The following RARB variants were observed in gnomAD, a reference collection of about 807,000 sequenced individuals.
RARB encodes retinoic acid receptor beta, also known as HBV-activated protein.
In RARB, 17 loss-of-function variants were observed where a neutral mutation model predicts 51.9. That is an observed-to-expected ratio of 0.33 (90% CI 0.22 to 0.49). The LOEUF is 0.49. Among genes scored for constraint, RARB ranks in the 20% least tolerant of loss-of-function variants. The probability of loss-of-function intolerance (pLI) is 0.99; values close to 1 mark genes in which losing one functional copy is unlikely to be tolerated. For synonymous variants in RARB, 215 were observed against 195.4 expected (o/e 1.10, Z -0.84); for missense variants, 369 against 550.8 (o/e 0.67, Z 3.30).
intron 2 of RARB, 111 bp downstream of exon 2, chr3:25,461,452 G>C: frequency 8.0e-7 from 1 of 1,253,968 alleles, no homozygotes; most frequent in Non-Finnish European, 1.1e-6. Context: ...CCTCCCATAA[G>C]TGTGGTGAAT....
At chr3:25,106,651 G>A (rs1411846761) in intron 3 of RARB, among the ~76,000 whole-genome samples, 3 of 92,620 alleles carry the variant, frequency 3.2e-5, no homozygotes, top group Non-Finnish European at 4.3e-5. Context: ...TTAGGCTGCA[G>A]TATTTTTTTT....
At chr3:25,339,036 G>T (rs1705145176) in intron 5 of RARB, among the ~76,000 whole-genome samples, 2 of 152,138 alleles carry the variant, frequency 1.3e-5, no homozygotes, top group Admixed American at 1.3e-4. Context: ...AATAAAACTT[G>T]CACTTGAAAG....
intron 5 of RARB, among the ~76,000 whole-genome samples, chr3:25,405,972 T>C (rs1394390264): frequency 7.4e-6 from 1 of 135,768 alleles, no homozygotes; most frequent in Non-Finnish European, 1.6e-5. Context: ...TGGTCATTAG[T>C]AGCAATAATA....
At chr3:25,553,377 CTT>C (rs1699924299) in intron 3 of RARB, among the ~76,000 whole-genome samples, 1 of 152,206 alleles carries the variant, frequency 6.6e-6, no homozygotes, top group African/African-American at 2.4e-5. Flanking sequence ...CTCTAGGAAT[CTT>C]TAAGCCCATC....
At chr3:25,367,911 G>A (rs1044367801) in intron 5 of RARB, among the ~76,000 whole-genome samples, 2 of 152,056 alleles carry the variant, frequency 1.3e-5, no homozygotes, top group African/African-American at 4.8e-5. Context: ...AAGTAGACAG[G>A]CTGGAAAGAT....
chr3:25,288,437 G>C (rs762156208), intron 5 of RARB, among the ~76,000 whole-genome samples: 4 of 152,194 alleles, frequency 2.6e-5, no homozygotes, highest in Non-Finnish European at 5.9e-5. Context: ...AGGGGACACA[G>C]TCAATGTGCT....
chr3:25,555,374 A>G (rs755491146), intron 3 of RARB, among the ~76,000 whole-genome samples: 24 of 152,068 alleles, frequency 1.6e-4, no homozygotes, highest in Non-Finnish European at 2.8e-4. Flanking sequence ...TTTTCTTCAT[A>G]ACACTTATTA....
chr3:25,065,275 T>C (rs574742670), intron 3 of RARB, among the ~76,000 whole-genome samples: 1 of 152,304 alleles, frequency 6.6e-6, no homozygotes, highest in East Asian at 1.9e-4. Context: ...GGAAGAAATA[T>C]CACTATGTCA....
chr3:25,466,043 G>A (rs1362034411), intron 2 of RARB, among the ~76,000 whole-genome samples: 1 of 152,072 alleles, frequency 6.6e-6, no homozygotes, highest in Non-Finnish European at 1.5e-5. Flanking sequence ...TTCTCATCTG[G>A]AAAAATGGGG....
intron 3 of RARB, among the ~76,000 whole-genome samples, chr3:25,074,756 A>C (rs2125310127): frequency 6.6e-6 from 1 of 152,266 alleles, no homozygotes; most frequent in Middle Eastern, 3.4e-3. Flanking sequence ...ACCAAGGAAA[A>C]TGTGATTCCT....
chr3:24,921,602 T>C (rs1695218043), intron 2 of RARB, among the ~76,000 whole-genome samples: 1 of 152,084 alleles, frequency 6.6e-6, no homozygotes, highest in Non-Finnish European at 1.5e-5. Flanking sequence ...CTGCTTCTTA[T>C]CTCAGCACCC....
chr3:25,053,423 T>C (rs193038200), intron 2 of RARB, among the ~76,000 whole-genome samples: 1 of 152,182 alleles, frequency 6.6e-6, no homozygotes, highest in Non-Finnish European at 1.5e-5. Flanking sequence ...CAGTTTCCTT[T>C]GCTTAGCAGG....
At chr3:25,137,984 A>G (rs1365010421) in intron 4 of RARB, among the ~76,000 whole-genome samples, 1 of 152,144 alleles carries the variant, frequency 6.6e-6, no homozygotes, top group Non-Finnish European at 1.5e-5. Context: ...CATCCTTTTT[A>G]CCTAAGATCA....
chr3:25,266,394 C>T (rs1352692914), intron 5 of RARB, among the ~76,000 whole-genome samples: 1 of 152,008 alleles, frequency 6.6e-6, no homozygotes, highest in Non-Finnish European at 1.5e-5. Context: ...TTATTCACAC[C>T]TTTTCCCCTT....
At chr3:25,125,344 G>C (rs529207586) in intron 3 of RARB, among the ~76,000 whole-genome samples, 1 of 152,300 alleles carries the variant, frequency 6.6e-6, no homozygotes, top group South Asian at 2.1e-4. Flanking sequence ...CCACTAAGCA[G>C]CTGGTATTTA....
intron 5 of RARB, among the ~76,000 whole-genome samples, chr3:25,393,238 C>T (rs574682827): frequency 2.0e-5 from 3 of 152,184 alleles, no homozygotes; most frequent in East Asian, 1.9e-4. Context: ...TAGTATGAAA[C>T]CCACTTGATC....
At chr3:25,103,606 G>A (rs899566384) in intron 3 of RARB, among the ~76,000 whole-genome samples, 8 of 152,208 alleles carry the variant, frequency 5.3e-5, no homozygotes, top group African/African-American at 1.9e-4. Context: ...CTTTGAGCAA[G>A]GAGGAGGAGA....
intron 3 of RARB, among the ~76,000 whole-genome samples, chr3:25,090,041 T>A (rs1308839697): frequency 6.6e-6 from 1 of 152,068 alleles, no homozygotes; most frequent in Non-Finnish European, 1.5e-5. Flanking sequence ...ATTAACCGAA[T>A]GACAGAAAGC....
chr3:25,008,344 C>G (rs1328283448), intron 2 of RARB, among the ~76,000 whole-genome samples: 1 of 152,100 alleles, frequency 6.6e-6, no homozygotes, highest in Non-Finnish European at 1.5e-5. Flanking sequence ...TACAGATGAC[C>G]GCTCCTCTGA....
Sources: gnomAD v4.1 joint callset for allele counts (sites outside exome capture counted in the v4.1 genomes callset) on GRCh38, gnomAD v4.1.1 for gene constraint, MANE v1.5 for transcripts, NCBI Gene and HGNC (gene_info 2026-07-23, HGNC 2026-07-21) for gene names.